The following SGMS1 variants were observed in gnomAD, a reference collection of about 807,000 sequenced individuals.
The protein encoded by SGMS1 is phosphatidylcholine:ceramide cholinephosphotransferase 1.
Under a neutral mutation model 46.2 loss-of-function variants are expected in SGMS1, and 13 were observed. The ratio of observed to expected loss-of-function variants is 0.28; its 90% CI spans 0.18 to 0.45. The LOEUF (loss-of-function observed/expected upper bound fraction) is 0.45, where lower values mean the gene tolerates loss of function less well. SGMS1 is among the 20% of genes least tolerant of loss of function. The pLI is 1.00. For synonymous variants in SGMS1, 203 were observed against 187.8 expected (o/e 1.08, Z -0.66); for missense variants, 324 against 519.9 (o/e 0.62, Z 3.66).
intron 3 of SGMS1, among the ~76,000 whole-genome samples, chr10:50,510,345 T>C (rs1453496474): frequency 6.6e-6 from 1 of 152,216 alleles, no homozygotes; most frequent in African/African-American, 2.4e-5. Flanking sequence ...CTGTTAGAAG[T>C]ATTAGCCTAC....
chr10:50,587,538 C>G (rs559958411), intron 2 of SGMS1, among the ~76,000 whole-genome samples: 1 of 152,056 alleles, frequency 6.6e-6, no homozygotes, highest in African/African-American at 2.4e-5. Flanking sequence ...GAGGAAGAAT[C>G]GCTTGAACCC....
intron 8 of SGMS1, among the ~76,000 whole-genome samples, chr10:50,318,085 C>T (rs1181818885): frequency 2.0e-5 from 3 of 152,196 alleles, no homozygotes; most frequent in Admixed American, 6.5e-5. Flanking sequence ...GGATTACAGG[C>T]GTGAGCCAAC....
At chr10:50,466,288 C>T (rs1837328260) in intron 4 of SGMS1, among the ~76,000 whole-genome samples, 1 of 151,620 alleles carries the variant, frequency 6.6e-6, no homozygotes, top group South Asian at 2.1e-4. Context: ...ATGCAATTAC[C>T]TCTAAACAAA....
intron 2 of SGMS1, among the ~76,000 whole-genome samples, chr10:50,565,753 G>A (rs1050943793): frequency 2.0e-5 from 3 of 152,176 alleles, no homozygotes; most frequent in African/African-American, 7.2e-5. Context: ...CTACGTTGGG[G>A]GTGAGTACTA....
At chr10:50,551,339 A>G (rs530534929) in intron 2 of SGMS1, among the ~76,000 whole-genome samples, 25 of 151,606 alleles carry the variant, frequency 1.6e-4, no homozygotes, top group Non-Finnish European at 3.4e-4. Context: ...ACATTCTATG[A>G]AACACCTGAC....
intron 5 of SGMS1, among the ~76,000 whole-genome samples, chr10:50,436,253 C>T (rs534778918): frequency 6.6e-6 from 1 of 152,156 alleles, no homozygotes; most frequent in African/African-American, 2.4e-5. Context: ...TACAGGTGCC[C>T]GCCACCATGC....
chr10:50,574,963 GTATATATA>G lies in SGMS1; in HGVS notation c.-589+15182_-589+15189del, dbSNP rs143713324. Reference sequence around the variant, plus strand: ...AAACATTTTAAAAGGAAAATGTGGTGTATATATATATATATATATATAAAACAAAGTAT... The same window carrying G: ...AAACATTTTAAAAGGAAAATGTGGTGTATATATATATATAAAACAAAGTAT... On this transcript the variant is annotated intron_variant, in intron 2 of 10. Coordinates refer to ENST00000361781, the MANE Select transcript of SGMS1 (RefSeq NM_147156.4). Among the ~76,000 whole-genome samples, 99 of 99,878 alleles carry G rather than the reference GTATATATA, an allele frequency of 9.9e-4. 5 individuals are homozygous for G. Among genetic ancestry groups the G allele is most frequent in the Non-Finnish European group, 2.0e-3 (88 of 44,750 alleles). 65.5% of individuals were successfully genotyped at this position (99,878 alleles called of 152,430 possible).
chr10:50,345,844 T>A (rs1393235170), intron 6 of SGMS1, among the ~76,000 whole-genome samples: 1 of 152,212 alleles, frequency 6.6e-6, no homozygotes, highest in Admixed American at 6.5e-5. Context: ...TCAACTTACA[T>A]AATATTGTAT....
intron 3 of SGMS1, among the ~76,000 whole-genome samples, chr10:50,477,280 C>T (rs1187607594): frequency 6.6e-6 from 1 of 152,238 alleles, no homozygotes; most frequent in East Asian, 1.9e-4. Context: ...TAATGACTAC[C>T]CTGCTGGGTT....
intron 7 of SGMS1, among the ~76,000 whole-genome samples, chr10:50,337,871 A>C (rs534762912): frequency 2.0e-4 from 26 of 129,650 alleles, no homozygotes; most frequent in African/African-American, 6.9e-4. Flanking sequence ...AGGTTAAAAT[A>C]CAAAAAAAAA....
At chr10:50,408,497 C>T (rs1365576019) in intron 6 of SGMS1, among the ~76,000 whole-genome samples, 3 of 142,144 alleles carry the variant, frequency 2.1e-5, no homozygotes, top group African/African-American at 7.8e-5. Context: ...TCCTGGCTAA[C>T]ACGGTGAAAC....
chr10:50,314,532 G>A (rs1847308448), intron 8 of SGMS1, among the ~76,000 whole-genome samples: 1 of 152,182 alleles, frequency 6.6e-6, no homozygotes, highest in South Asian at 2.1e-4. Flanking sequence ...AATTTAAACA[G>A]TCATAACTTC....
chr10:50,341,458 A>G (rs537736491), intron 7 of SGMS1: 1 of 456,084 alleles, frequency 2.2e-6, no homozygotes, highest in East Asian at 6.9e-5. Flanking sequence ...GGTGAAAATC[A>G]GAGAGGACTT....
chr10:50,358,828 G>A (rs1470872138), intron 6 of SGMS1, among the ~76,000 whole-genome samples: 1 of 152,198 alleles, frequency 6.6e-6, no homozygotes, highest in Non-Finnish European at 1.5e-5. Flanking sequence ...ATAAGGTATA[G>A]ATTTGTTATT....
intron 6 of SGMS1, among the ~76,000 whole-genome samples, chr10:50,368,753 G>T (rs192095045): frequency 6.6e-6 from 1 of 152,150 alleles, no homozygotes; most frequent in African/African-American, 2.4e-5. Flanking sequence ...CCACTGAACT[G>T]TAAAGAAATT....
chr10:50,624,119 C>T, upstream of SGMS1: 3 of 985,396 alleles, frequency 3.0e-6, no homozygotes, highest in Non-Finnish European at 3.6e-6. Context: ...GGGACAGTCG[C>T]AGTTTGGGCC....
chr10:50,522,065 C>A (rs1218520880), intron 2 of SGMS1, among the ~76,000 whole-genome samples: 1 of 152,092 alleles, frequency 6.6e-6, no homozygotes, highest in African/African-American at 2.4e-5. Flanking sequence ...CTGACTTTTC[C>A]AACTCCAGCA....
chr10:50,391,562 G>A (rs1848767398), intron 6 of SGMS1, among the ~76,000 whole-genome samples: 1 of 152,156 alleles, frequency 6.6e-6, no homozygotes, highest in Non-Finnish European at 1.5e-5. Flanking sequence ...CTTACACACC[G>A]CTGGTGGGAA....
intron 1 of SGMS1, among the ~76,000 whole-genome samples, chr10:50,608,126 T>C (rs1838714568): frequency 6.6e-6 from 1 of 152,246 alleles, no homozygotes; most frequent in African/African-American, 2.4e-5. Context: ...AAGTCCATTC[T>C]AGGACAGCAA....
Sources: gnomAD v4.1 joint callset for allele counts (sites outside exome capture counted in the v4.1 genomes callset) on GRCh38, gnomAD v4.1.1 for gene constraint, MANE v1.5 for transcripts, NCBI Gene and HGNC (gene_info 2026-07-23, HGNC 2026-07-21) for gene names.